SLC16A10: variants seen among roughly 807,000 people sequenced by gnomAD.
SLC16A10 encodes monocarboxylate transporter 10.
In SLC16A10, 27 loss-of-function variants were observed where a neutral mutation model predicts 40.0. The observed-to-expected ratio is 0.67, with a 90% CI of 0.50 to 0.93. The LOEUF is 0.93. Ranked by LOEUF, SLC16A10 falls within the 40% of genes least tolerant of loss-of-function variation. SLC16A10 has a pLI of 0.00. For synonymous variants in SLC16A10, 213 were observed against 249.8 expected, an observed-to-expected ratio of 0.85 and a Z score of 1.39; for missense variants, 529 against 658.2, an observed-to-expected ratio of 0.80 and a Z score of 2.15.
intron 3 of SLC16A10, among the ~76,000 whole-genome samples, chr6:111,193,037 G>C (rs1350595293): frequency 6.7e-6 from 1 of 150,072 alleles, no homozygotes; most frequent in Non-Finnish European, 1.5e-5. Context: ...CCTTTTTTTT[G>C]AGATGAAGTC....
At chr6:111,116,188 A>G (rs1771483020) in intron 1 of SLC16A10, among the ~76,000 whole-genome samples, 1 of 152,116 alleles carries the variant, frequency 6.6e-6, no homozygotes, top group Admixed American at 6.5e-5. Context: ...CTATACCATT[A>G]CTATAAAAAA....
At chr6:111,208,407 G>T (rs968027445) in intron 4 of SLC16A10, among the ~76,000 whole-genome samples, 1 of 152,034 alleles carries the variant, frequency 6.6e-6, no homozygotes, top group African/African-American at 2.4e-5. Flanking sequence ...GTGAAACCCC[G>T]TCTCTACTAA....
chr6:111,196,607 T>C, intron 3 of SLC16A10, among the ~76,000 whole-genome samples: 1 of 152,258 alleles, frequency 6.6e-6, no homozygotes, highest in Non-Finnish European at 1.5e-5. Flanking sequence ...TCAGGAGTTT[T>C]AGATCAGCCT....
chr6:111,115,356 C>A (rs1771466696), intron 1 of SLC16A10, among the ~76,000 whole-genome samples: 1 of 152,172 alleles, frequency 6.6e-6, no homozygotes, highest in South Asian at 2.1e-4. Flanking sequence ...ATTATAGGCG[C>A]CTGCCATCAC....
chr6:111,169,445 T>G (rs55643604), intron 1 of SLC16A10, among the ~76,000 whole-genome samples: 15,460 of 152,228 alleles, frequency 0.1, 1,038 homozygotes, highest in Middle Eastern at 0.17. Flanking sequence ...AGCAGACAGG[T>G]GTTTTGGCAG....
intron 1 of SLC16A10, among the ~76,000 whole-genome samples, chr6:111,168,515 C>T (rs1244249542): frequency 6.6e-6 from 1 of 152,120 alleles, no homozygotes; most frequent in Non-Finnish European, 1.5e-5. Flanking sequence ...TGAAAGAGAA[C>T]AACAGTCCAT....
chr6:111,203,848 A>G (rs976864333), intron 3 of SLC16A10, among the ~76,000 whole-genome samples: 1 of 152,124 alleles, frequency 6.6e-6, no homozygotes, highest in Non-Finnish European at 1.5e-5. Context: ...CAAACATTTC[A>G]CCTTATTATT....
chr6:111,155,793 T>C (rs1338971195), intron 1 of SLC16A10, among the ~76,000 whole-genome samples: 3 of 152,212 alleles, frequency 2.0e-5, no homozygotes, highest in Non-Finnish European at 2.9e-5. Flanking sequence ...ATAGATAGGT[T>C]GGTATATGTA....
At chr6:111,116,101 T>G (rs1450871705) in intron 1 of SLC16A10, among the ~76,000 whole-genome samples, 2 of 152,188 alleles carry the variant, frequency 1.3e-5, no homozygotes, top group South Asian at 2.1e-4. Context: ...TCACATCACT[T>G]GATTCAGAAT....
At chr6:111,194,059 C>T (rs937427547) in intron 3 of SLC16A10, among the ~76,000 whole-genome samples, 2 of 152,104 alleles carry the variant, frequency 1.3e-5, no homozygotes, top group African/African-American at 4.8e-5. Context: ...TTGCTCTAGC[C>T]CCAGCACCTA....
chr6:111,100,974 CTCTCTCTCTCTCTCTCTCTATA>C (rs1413129753), intron 1 of SLC16A10, among the ~76,000 whole-genome samples: 1 of 123,198 alleles, frequency 8.1e-6, no homozygotes, highest in Non-Finnish European at 1.6e-5. Flanking sequence ...CTCTCTCTCT[CTCTCTCTCTCTCTCTCTCTATA>C]TATATATATA....
At chr6:111,118,679 C>CA (rs74273023) in intron 1 of SLC16A10, among the ~76,000 whole-genome samples, 14,386 of 66,106 alleles carry the variant, frequency 0.22, 1,325 homozygotes, top group Non-Finnish European at 0.25. Context: ...GCCTCCGTCT[C>CA]AAAAAAAAAA....
At chr6:111,196,398 C>T (rs1019466698) in intron 3 of SLC16A10, among the ~76,000 whole-genome samples, 1 of 152,134 alleles carries the variant, frequency 6.6e-6, no homozygotes, top group Admixed American at 6.5e-5. Flanking sequence ...TGCCCATGGT[C>T]CCAGCTACTT....
chr6:111,187,306 C>T (rs781202527), intron 3 of SLC16A10, among the ~76,000 whole-genome samples: 1 of 152,096 alleles, frequency 6.6e-6, no homozygotes, highest in Non-Finnish European at 1.5e-5. Context: ...TTTGGGGTGG[C>T]GAAACAACTT....
intron 3 of SLC16A10, among the ~76,000 whole-genome samples, chr6:111,196,927 G>A (rs763487744): frequency 2.0e-5 from 3 of 152,032 alleles, no homozygotes; most frequent in Non-Finnish European, 2.9e-5. Context: ...AGTTCTCCAC[G>A]GATACCAAGA....
rs1562421543 is a variant in SLC16A10 at position 111,172,724 on chromosome 6, A to AT, written c.377dup (p.Phe127LeufsTer100). On this transcript the variant is annotated frameshift_variant, in exon 2 of 6. Coordinates refer to ENST00000368851, the MANE Select transcript of SLC16A10 (RefSeq NM_018593.5). LOFTEE classifies it high-confidence loss of function. Reference sequence around the variant, plus strand: ...GGTAGGTTCTCTCTCCATGGGGATGATTTTCTTTTGCTGCCCAATAGTCAG... The same window carrying AT: ...GGTAGGTTCTCTCTCCATGGGGATGATTTTTCTTTTGCTGCCCAATAGTCAG... The AT allele has an allele frequency of 6.2e-7, 1 of 1,613,900 alleles. No individual in the cohort carries two copies. The highest frequency in any genetic ancestry group is 8.5e-7 in the Non-Finnish European group (1 of 1,179,916).
At chr6:111,148,061 G>T (rs1341554238) in intron 1 of SLC16A10, among the ~76,000 whole-genome samples, 1 of 152,160 alleles carries the variant, frequency 6.6e-6, no homozygotes, top group African/African-American at 2.4e-5. Flanking sequence ...AAACAGAATG[G>T]CAGAGACAAT....
At chr6:111,200,614 T>G (rs1773152489) in intron 3 of SLC16A10, among the ~76,000 whole-genome samples, 1 of 152,198 alleles carries the variant, frequency 6.6e-6, no homozygotes, top group Admixed American at 6.6e-5. Context: ...ATAAACTGTC[T>G]CATTTCATTC....
intron 1 of SLC16A10, among the ~76,000 whole-genome samples, chr6:111,139,870 A>G (rs1771949562): frequency 6.6e-6 from 1 of 152,216 alleles, no homozygotes; most frequent in Non-Finnish European, 1.5e-5. Context: ...GAACTAACTT[A>G]CACTCATACA....
Sources: allele counts gnomAD v4.1 joint callset (sites outside exome capture counted in the v4.1 genomes callset), GRCh38; gene constraint gnomAD v4.1.1; transcripts MANE v1.5; gene names NCBI Gene and HGNC (gene_info 2026-07-23, HGNC 2026-07-21).